Variants in PDZD2 observed in about 807,000 individuals in gnomAD.
The protein encoded by PDZD2 is PDZ domain-containing protein 2.
A neutral mutation model predicts 220.7 loss-of-function variants in PDZD2; 90 were observed. The observed-to-expected ratio is 0.41, with a 90% CI of 0.34 to 0.49. The LOEUF is 0.49. PDZD2 is among the 20% of genes least tolerant of loss of function. PDZD2 has a pLI of 0.28. For missense variants in PDZD2, 3,174 were observed against 3,608.5 expected, an observed-to-expected ratio of 0.88 and a Z score of 3.08; for synonymous variants, 1,375 against 1,450.5, an observed-to-expected ratio of 0.95 and a Z score of 1.18.
At chr5:31,668,488 A>G (rs1157480200) in intron 1 of PDZD2, among the ~76,000 whole-genome samples, 1 of 152,236 alleles carries the variant, frequency 6.6e-6, no homozygotes, top group Non-Finnish European at 1.5e-5. Context: ...GCTGGTTAAC[A>G]GCAGCTCTGT....
intron 2 of PDZD2, chr5:31,823,249 G>T (rs548288493): frequency 3.5e-5 from 12 of 342,162 alleles, no homozygotes; most frequent in Non-Finnish European, 6.1e-5. Flanking sequence ...GGTAGATCAC[G>T]AGGTCAGGAG....
intron 2 of PDZD2, among the ~76,000 whole-genome samples, chr5:31,836,979 T>C (rs1159761470): frequency 6.6e-6 from 1 of 151,060 alleles, no homozygotes; most frequent in Non-Finnish European, 1.5e-5. Flanking sequence ...GATCACGCCA[T>C]TGCATTCCAG....
chr5:31,924,997 T>G (rs1744614318), intron 2 of PDZD2, among the ~76,000 whole-genome samples: 1 of 152,208 alleles, frequency 6.6e-6, no homozygotes, highest in Non-Finnish European at 1.5e-5. Flanking sequence ...ATTGTCTCCA[T>G]TTCTGTGAAG....
chr5:31,697,765 C>T (rs1374746457), intron 1 of PDZD2, among the ~76,000 whole-genome samples: 1 of 152,164 alleles, frequency 6.6e-6, no homozygotes, highest in Non-Finnish European at 1.5e-5. Context: ...AGTAATACAA[C>T]CTCCCTTCAA....
At position 32,048,542 on chromosome 5, in the gene PDZD2, G is replaced by T. The variant is rs1042325886; in HGVS notation, c.1523G>T (p.Gly508Val). ...TTTTCTCCTCTGTTTTCTCAAGGGG[G>T]TGTACACCGCCTTGAGTCAGTTGAA... ...KIKLKSRLSG[G>V]VHRLESVEEY... The change falls in exon 8 of 25, where the codon GGT becomes GTT. Residue 508 changes from glycine (G) to valine (V), a missense_variant. Physicochemically the swap from Gly to Val is moderately radical, Grantham distance 109. Around this residue, in one of 4 missense-constraint regions of PDZD2, gnomAD observed 632 missense variants for 708.1 expected, o/e 0.89. Coordinates refer to ENST00000438447, the MANE Select transcript of PDZD2 (RefSeq NM_178140.4). The T allele has an allele frequency of 5.0e-6, 8 of 1,613,264 alleles. No homozygotes were observed. Among genetic ancestry groups the T allele is most frequent in the East Asian group, 2.2e-5 (1 of 44,886 alleles).
At chr5:31,866,379 T>C (rs1302827184) in intron 2 of PDZD2, among the ~76,000 whole-genome samples, 3 of 152,264 alleles carry the variant, frequency 2.0e-5, no homozygotes, top group Non-Finnish European at 4.4e-5. Context: ...CTGTTGGCAG[T>C]GCCTTCTAGT....
At chr5:32,091,430 G>A (rs979179246) in intron 20 of PDZD2, among the ~76,000 whole-genome samples, 21 of 151,618 alleles carry the variant, frequency 1.4e-4, no homozygotes, top group Non-Finnish European at 1.9e-4. Context: ...GATTACAGGC[G>A]TGCACCACCA....
At chr5:32,102,627 T>C (rs1472632033) in intron 24 of PDZD2, among the ~76,000 whole-genome samples, 1 of 151,920 alleles carries the variant, frequency 6.6e-6, no homozygotes, top group Non-Finnish European at 1.5e-5. Context: ...AACTCGACTA[T>C]AAGAGCCCTC....
At chr5:31,887,031 C>T (rs1365105257) in intron 2 of PDZD2, among the ~76,000 whole-genome samples, 1 of 152,160 alleles carries the variant, frequency 6.6e-6, no homozygotes, top group African/African-American at 2.4e-5. Flanking sequence ...CGCCTGGGTG[C>T]AAGAACCAGT....
chr5:31,818,962 C>A (rs1755647774), intron 2 of PDZD2, among the ~76,000 whole-genome samples: 1 of 152,050 alleles, frequency 6.6e-6, no homozygotes, highest in Admixed American at 6.6e-5. Context: ...TGATTCTTTT[C>A]ATTGGAAAAG....
chr5:31,938,466 C>G (rs1046071641), intron 2 of PDZD2, among the ~76,000 whole-genome samples: 2 of 152,176 alleles, frequency 1.3e-5, no homozygotes, highest in African/African-American at 2.4e-5. Context: ...GATTTTCACC[C>G]TCTTTCCTGG....
intron 2 of PDZD2, among the ~76,000 whole-genome samples, chr5:31,880,546 G>T (rs1222656686): frequency 1.3e-5 from 2 of 152,116 alleles, no homozygotes; most frequent in Admixed American, 1.3e-4. Context: ...CTCATTTGCA[G>T]AGATCAAAAT....
intron 6 of PDZD2, among the ~76,000 whole-genome samples, chr5:32,020,820 A>G (rs944024139): frequency 2.6e-5 from 4 of 151,636 alleles, no homozygotes; most frequent in African/African-American, 9.7e-5. Context: ...AATTTTTTGT[A>G]TTTTTAGTAG....
At chr5:32,055,703 A>G (rs1208853968) in intron 10 of PDZD2, among the ~76,000 whole-genome samples, 3 of 152,060 alleles carry the variant, frequency 2.0e-5, no homozygotes, top group African/African-American at 7.2e-5. Context: ...AATGAATTGG[A>G]ATCTCCTATT....
chr5:31,899,537 T>G (rs1741896169), intron 2 of PDZD2, among the ~76,000 whole-genome samples: 1 of 152,250 alleles, frequency 6.6e-6, no homozygotes, highest in Non-Finnish European at 1.5e-5. Context: ...TTCTGTCTTC[T>G]GTGATTTGGC....
chr5:31,696,167 G>A (rs905341833), intron 1 of PDZD2, among the ~76,000 whole-genome samples: 3 of 152,086 alleles, frequency 2.0e-5, no homozygotes, highest in Admixed American at 6.6e-5. Flanking sequence ...TACAGCATGT[G>A]GATGGGATGT....
intron 7 of PDZD2, among the ~76,000 whole-genome samples, chr5:32,042,200 T>C (rs1756237206): frequency 6.7e-6 from 1 of 149,654 alleles, no homozygotes; most frequent in South Asian, 2.1e-4. Flanking sequence ...AGGCGGAGCT[T>C]GCAGTGAGCC....
intron 1 of PDZD2, among the ~76,000 whole-genome samples, chr5:31,753,616 TAAAC>T (rs750960951): frequency 0.028 from 4,328 of 152,180 alleles, 144 homozygotes; most frequent in African/African-American, 0.075. Context: ...AATAAATAAA[TAAAC>T]AAACAAACAA....
In PDZD2 at chr5:32,052,684, G is replaced by A. The variant is rs756317182; in HGVS notation, c.1739G>A (p.Arg580Gln). 6.8e-6 allele frequency: 11 copies of A among 1,613,940 alleles called. No individual in the cohort carries two copies. Among genetic ancestry groups the A allele is most frequent in the South Asian group, 3.3e-5 (3 of 91,072 alleles). The change falls in exon 9 of 25, where the codon CGG becomes CAG. Residue 580 changes from arginine (R) to glutamine (Q), a missense_variant. This residue lies in a region of PDZD2 where 50 missense variants were observed against 109.5 expected (regional missense o/e 0.46). Transcript: ENST00000438447. ...TQVESPWRLIRPSVISIIGLY... is the reference protein window; with the variant it reads ...TQVESPWRLIQPSVISIIGLY... The stretch of plus-strand genomic sequence containing the variant: ...GTGGAATCTCCTTGGAGGCTCATTC[G>A]GCCATCCGTCATCTCGATCATTGGG...
Sources: gnomAD v4.1 joint callset for allele counts (sites outside exome capture counted in the v4.1 genomes callset) on GRCh38, gnomAD v4.1.1 for gene constraint, gnomAD v4.1.1 regional missense constraint, MANE v1.5 for transcripts, NCBI Gene and HGNC (gene_info 2026-07-23, HGNC 2026-07-21) for gene names.